The following SGCZ variants were observed in gnomAD, a reference collection of about 807,000 sequenced individuals.
The protein encoded by SGCZ is sarcoglycan zeta, also known as zeta-sarcoglycan.
Under a neutral mutation model 41.3 loss-of-function variants are expected in SGCZ, and 40 were observed. The observed-to-expected ratio is 0.97, with a 90% confidence interval of 0.75 to 1.26. The LOEUF is 1.26. SGCZ is among the 50% of genes most tolerant of loss of function. The probability of loss-of-function intolerance (pLI) is 0.00; values close to 1 mark genes in which losing one functional copy is unlikely to be tolerated. For synonymous variants in SGCZ, 206 were observed against 137.5 expected (o/e 1.50, Z -3.49); for missense variants, 552 against 369.8 (o/e 1.49, Z -4.04).
chr8:14,969,138 G>A (rs953742728), intron 1 of SGCZ, among the ~76,000 whole-genome samples: 1 of 152,040 alleles, frequency 6.6e-6, no homozygotes, highest in Non-Finnish European at 1.5e-5. Context: ...GAGATTGCCT[G>A]TCCTCTTTCA....
intron 2 of SGCZ, among the ~76,000 whole-genome samples, chr8:14,354,053 T>C (rs62497816): frequency 0.028 from 4,306 of 152,168 alleles, 117 homozygotes; most frequent in East Asian, 0.14. Context: ...TTTCAGTTAT[T>C]AATGTAGACA....
chr8:14,551,472 ATTATAT>A (rs1803816215), intron 2 of SGCZ, among the ~76,000 whole-genome samples: 1 of 18,648 alleles, frequency 5.4e-5, no homozygotes, highest in Non-Finnish European at 1.8e-4. Flanking sequence ...TATTATATAT[ATTATAT>A]ATTATATATA....
chr8:15,066,371 G>C lies in SGCZ; in HGVS notation c.39+171214C>G, dbSNP rs182261950. On this transcript the variant is annotated intron_variant, in intron 1 of 7. Transcript: ENST00000382080. ...TACTTTTCACTCTTTTGTTACTTCT[G>C]AGTTATTTTCAAGGCTCTCATTTCC... 6.2e-3 allele frequency among the ~76,000 whole-genome samples: 923 copies of C among 149,670 alleles called. 7 individuals are homozygous for C. The highest frequency in any genetic ancestry group is 0.01 in the Non-Finnish European group (681 of 67,574).
intron 1 of SGCZ, among the ~76,000 whole-genome samples, chr8:15,034,664 C>G (rs1803806631): frequency 6.6e-6 from 1 of 152,110 alleles, no homozygotes; most frequent in Non-Finnish European, 1.5e-5. Flanking sequence ...CATACTATAA[C>G]CAAATGGTTG....
intron 1 of SGCZ, among the ~76,000 whole-genome samples, chr8:15,192,313 T>C (rs990892021): frequency 2.6e-5 from 4 of 152,160 alleles, no homozygotes; most frequent in East Asian, 1.9e-4. Context: ...TGATGAGTAA[T>C]GTGGGAAGAA....
intron 4 of SGCZ, among the ~76,000 whole-genome samples, chr8:14,211,358 C>T (rs1257867266): frequency 6.6e-6 from 1 of 152,128 alleles, no homozygotes; most frequent in African/African-American, 2.4e-5. Context: ...AGCACCCAGG[C>T]GCTACCAGTT....
chr8:14,776,451 T>C (rs1424154655), intron 1 of SGCZ, among the ~76,000 whole-genome samples: 1 of 152,116 alleles, frequency 6.6e-6, no homozygotes, highest in Non-Finnish European at 1.5e-5. Context: ...CCTTTATAAA[T>C]TACCCAGTCT....
chr8:14,742,441 G>C (rs1267939136), intron 1 of SGCZ, among the ~76,000 whole-genome samples: 2 of 152,002 alleles, frequency 1.3e-5, no homozygotes, highest in Admixed American at 1.3e-4. Context: ...GATAAATATG[G>C]AGGAAAATTT....
intron 3 of SGCZ, among the ~76,000 whole-genome samples, chr8:14,271,387 A>G (rs1252843849): frequency 3.3e-5 from 5 of 152,196 alleles, no homozygotes; most frequent in Non-Finnish European, 7.3e-5. Context: ...GTGAGCTTTA[A>G]TATATAATAG....
intron 1 of SGCZ, among the ~76,000 whole-genome samples, chr8:15,202,941 T>C (rs1178819692): frequency 6.6e-6 from 1 of 151,994 alleles, no homozygotes; most frequent in African/African-American, 2.4e-5. Flanking sequence ...TGAAACCCTG[T>C]CTCTACAAAA....
At chr8:15,120,173 T>C (rs2116948643) in intron 1 of SGCZ, among the ~76,000 whole-genome samples, 1 of 152,358 alleles carries the variant, frequency 6.6e-6, no homozygotes, top group Admixed American at 6.5e-5. Flanking sequence ...TAACAATGTT[T>C]CACTGATCCT....
rs59114901 is a variant in SGCZ, at chr8:15,004,873, T to TTCTTTAATCTC, written c.39+232711_39+232712insGAGATTAAAGA. Among the ~76,000 whole-genome samples the TTCTTTAATCTC allele has an allele frequency of 4.2e-3, 631 of 151,624 alleles. 2 individuals are homozygous for TTCTTTAATCTC. Among genetic ancestry groups the TTCTTTAATCTC allele is most frequent in the African/African-American group, 0.014 (589 of 41,334 alleles). Reference sequence around the variant, plus strand: ...GTGTTTATCGCAATGAACTGACGGGTTCTTTGTGTGCTGTTCAAATACAGA... The same window carrying TTCTTTAATCTC: ...GTGTTTATCGCAATGAACTGACGGGTTCTTTAATCTCTCTTTGTGTGCTGTTCAAATACAGA... On this transcript the variant is annotated intron_variant, in intron 1 of 7. Transcript: ENST00000382080.
chr8:14,983,893 A>G (rs1424121491), intron 1 of SGCZ, among the ~76,000 whole-genome samples: 8 of 152,210 alleles, frequency 5.3e-5, no homozygotes, highest in Non-Finnish European at 1.2e-4. Flanking sequence ...TCAACTATAT[A>G]CAATTATGTT....
chr8:14,437,593 TTC>T (rs769596394), intron 2 of SGCZ, among the ~76,000 whole-genome samples: 3 of 152,078 alleles, frequency 2.0e-5, no homozygotes, highest in East Asian at 1.9e-4. Context: ...AAGAAAAATT[TTC>T]TGTTTTAATT....
rs756324548 is a variant in SGCZ, at chr8:14,304,353, G to T, written c.336+19750C>A. On this transcript the variant is annotated intron_variant, in intron 3 of 7. Coordinates refer to ENST00000382080, the MANE Select transcript of SGCZ (RefSeq NM_139167.4). ...GCACACCTGTAATACCATCACTTTG[G>T]GATGCTGAGGCAGAAGGATTGCTTG... Among the ~76,000 whole-genome samples the T allele has an allele frequency of 4.6e-5, 7 of 152,078 alleles. No homozygotes were observed. The East Asian group carries it at 7.8e-4, about 17-fold the overall frequency.
intron 1 of SGCZ, among the ~76,000 whole-genome samples, chr8:15,219,039 C>T (rs889657423): frequency 2.0e-5 from 3 of 152,102 alleles, no homozygotes; most frequent in African/African-American, 7.2e-5. Flanking sequence ...CGCTGTAAAT[C>T]GTTTTACCCT....
intron 1 of SGCZ, among the ~76,000 whole-genome samples, chr8:14,744,120 A>AAACC (rs35548275): frequency 3.0e-5 from 2 of 67,040 alleles, no homozygotes; most frequent in African/African-American, 2.5e-4. Flanking sequence ...AAAATTTAAA[A>AAACC]AACAAACAAA....
At chr8:14,919,989 T>A (rs945494621) in intron 1 of SGCZ, among the ~76,000 whole-genome samples, 1 of 152,178 alleles carries the variant, frequency 6.6e-6, no homozygotes, top group African/African-American at 2.4e-5. Context: ...TTTACATCGT[T>A]GCATGCAGGC....
At chr8:14,917,309 C>A (rs1454561736) in intron 1 of SGCZ, among the ~76,000 whole-genome samples, 1 of 29,184 alleles carries the variant, frequency 3.4e-5, no homozygotes, top group Non-Finnish European at 5.3e-5. Context: ...CCTATTTAAG[C>A]AAGAGATTTT....
Sources: allele counts gnomAD v4.1 joint callset (sites outside exome capture counted in the v4.1 genomes callset), GRCh38; gene constraint gnomAD v4.1.1; transcripts MANE v1.5; gene names NCBI Gene and HGNC (gene_info 2026-07-23, HGNC 2026-07-21).